The following KIF5C variants were observed in gnomAD, a reference collection of about 807,000 sequenced individuals.
KIF5C encodes the protein kinesin heavy chain isoform 5C.
Under a neutral mutation model 125.2 loss-of-function variants are expected in KIF5C, and 18 were observed. That is an observed-to-expected ratio of 0.14 (90% CI 0.10 to 0.21). KIF5C has a LOEUF of 0.21. KIF5C is among the 10% of genes least tolerant of loss of function. The probability of loss-of-function intolerance (pLI) is 1.00; values close to 1 mark genes in which losing one functional copy is unlikely to be tolerated. For missense variants in KIF5C, 780 were observed against 1,183.8 expected (o/e 0.66, Z 5.01); for synonymous variants, 405 against 434.0 (o/e 0.93, Z 0.83).
chr2:149,017,654 G>C (rs1682405542), intron 25 of KIF5C, among the ~76,000 whole-genome samples: 1 of 152,052 alleles, frequency 6.6e-6, no homozygotes, highest in African/African-American at 2.4e-5. Flanking sequence ...TTTTTTCTTG[G>C]TTTTCCTATA....
intron 1 of KIF5C, among the ~76,000 whole-genome samples, chr2:148,892,280 T>G (rs1558874831): frequency 6.6e-6 from 1 of 152,206 alleles, no homozygotes; most frequent in Non-Finnish European, 1.5e-5. Flanking sequence ...AGATATTACC[T>G]GATAAAAGGA....
chr2:148,971,290 G>GTCTGTCTGTCTATCTA (rs764761986), intron 11 of KIF5C, among the ~76,000 whole-genome samples: 99 of 137,320 alleles, frequency 7.2e-4, no homozygotes, highest in East Asian at 1.7e-3. Flanking sequence ...CTGTCTGTCT[G>GTCTGTCTGTCTATCTA]TCTATCTATC....
intron 1 of KIF5C, among the ~76,000 whole-genome samples, chr2:148,909,378 G>A (rs527583787): frequency 6.6e-6 from 1 of 152,144 alleles, no homozygotes; most frequent in Non-Finnish European, 1.5e-5. Flanking sequence ...TCCTTGACCC[G>A]CATATCACAA....
intron 3 of KIF5C, among the ~76,000 whole-genome samples, chr2:148,932,629 C>T (rs570438108): frequency 2.0e-5 from 3 of 152,268 alleles, no homozygotes; most frequent in East Asian, 1.9e-4. Context: ...CTCCTGGCCC[C>T]GTGCCCTCCT....
At chr2:148,962,820 CT>C (rs1682962504) in intron 11 of KIF5C, among the ~76,000 whole-genome samples, 1 of 152,200 alleles carries the variant, frequency 6.6e-6, no homozygotes, top group Non-Finnish European at 1.5e-5. Flanking sequence ...AAATGTCATT[CT>C]CTCCTATGTG....
intron 11 of KIF5C, among the ~76,000 whole-genome samples, chr2:148,969,989 C>T (rs540490072): frequency 9.9e-5 from 15 of 152,224 alleles, no homozygotes; most frequent in South Asian, 8.3e-4. Context: ...CTGCGTGTTG[C>T]GGCTTTGTTC....
chr2:149,017,829 CA>C (rs1384375096), intron 25 of KIF5C, among the ~76,000 whole-genome samples: 40 of 152,244 alleles, frequency 2.6e-4, no homozygotes, highest in African/African-American at 9.4e-4. Flanking sequence ...ACTGTCAAGT[CA>C]AAACAAATTT....
At chr2:148,943,204 A>G (rs1682446789) in intron 7 of KIF5C, among the ~76,000 whole-genome samples, 3 of 152,182 alleles carry the variant, frequency 2.0e-5, no homozygotes, top group South Asian at 2.1e-4. Flanking sequence ...TGCCTTCTGT[A>G]AAAAAGAAAA....
chr2:149,015,204 A>G (rs1682326858), intron 25 of KIF5C, among the ~76,000 whole-genome samples: 2 of 152,186 alleles, frequency 1.3e-5, no homozygotes, highest in Admixed American at 1.3e-4. Flanking sequence ...ATATATATAT[A>G]ATTTACTTAT....
At chr2:148,916,239 C>T (rs758584210) in intron 1 of KIF5C, among the ~76,000 whole-genome samples, 12 of 152,242 alleles carry the variant, frequency 7.9e-5, no homozygotes, top group Non-Finnish European at 1.6e-4. Flanking sequence ...TTTCCAGAGT[C>T]TCCAAAGCTG....
At chr2:148,929,730 TAAA>T (rs1365408754) in intron 3 of KIF5C, among the ~76,000 whole-genome samples, 2 of 151,944 alleles carry the variant, frequency 1.3e-5, no homozygotes, top group Non-Finnish European at 2.9e-5. Context: ...TTAGAATAAA[TAAA>T]AAACTGTAGG....
chr2:148,973,416 G>C lies in KIF5C; in HGVS notation c.1198G>C (p.Asp400His). Residue 400 changes from aspartate (D) to histidine (H), a missense_variant, in exon 12 of 26, where the codon GAC (aspartate) becomes CAC (histidine). Around this residue, in one of 2 missense-constraint regions of KIF5C, gnomAD observed 573 missense variants for 742.6 expected, o/e 0.77. Transcript: ENST00000435030. ...LEPCDNTPII[D>H]NIAPVVAGIS... ...GCCTTGTGATAACACCCCCATCATA[G>C]ACAATATTGCTCCTGTTGTTGCTGG... 4.3e-6 allele frequency: 7 copies of C among 1,613,760 alleles called. No individual in the cohort carries two copies. Among genetic ancestry groups the C allele is most frequent in the Non-Finnish European group, 5.9e-6 (7 of 1,179,736 alleles).
intron 15 of KIF5C, among the ~76,000 whole-genome samples, chr2:148,987,001 G>T (rs1458827324): frequency 6.6e-6 from 1 of 152,142 alleles, no homozygotes; most frequent in Non-Finnish European, 1.5e-5. Flanking sequence ...GTATGATGAG[G>T]TCCATACATT....
intron 1 of KIF5C, among the ~76,000 whole-genome samples, chr2:148,906,015 G>C (rs1681092520): frequency 6.6e-6 from 1 of 152,126 alleles, no homozygotes; most frequent in African/African-American, 2.4e-5. Context: ...GTACCCCCAT[G>C]ACATGTGGGA....
intron 18 of KIF5C, 170 bp from the exon 19 acceptor site, chr2:148,998,230 C>A: frequency 9.0e-7 from 1 of 1,109,780 alleles, no homozygotes; most frequent in Non-Finnish European, 1.3e-6. Flanking sequence ...TTTGTTATCC[C>A]AATAAAGCAA....
intron 12 of KIF5C, among the ~76,000 whole-genome samples, chr2:148,977,895 T>C (rs185098366): frequency 2.0e-5 from 3 of 152,270 alleles, no homozygotes; most frequent in East Asian, 1.9e-4. Flanking sequence ...TTGGGTTAGA[T>C]TTCACCCCTG....
intron 22 of KIF5C, among the ~76,000 whole-genome samples, chr2:149,006,441 A>C (rs553774600): frequency 5.9e-5 from 9 of 152,198 alleles, no homozygotes; most frequent in Non-Finnish European, 8.8e-5. Context: ...ACATTTGATG[A>C]CTTGGGTCTT....
chr2:148,998,672 T>C (rs1284148520), intron 19 of KIF5C, 163 bp downstream of exon 19: 14 of 1,197,256 alleles, frequency 1.2e-5, no homozygotes, highest in Non-Finnish European at 1.4e-5. Flanking sequence ...CAAGGTCTGT[T>C]CTCCGATCTG....
intron 19 of KIF5C, among the ~76,000 whole-genome samples, chr2:148,999,338 G>T (rs1424838150): frequency 6.7e-6 from 1 of 149,074 alleles, no homozygotes; most frequent in African/African-American, 2.5e-5. Flanking sequence ...AAGGCGAAAT[G>T]ATTTACTTAA....
Sources: gnomAD v4.1 joint callset for allele counts (sites outside exome capture counted in the v4.1 genomes callset) on GRCh38, gnomAD v4.1.1 for gene constraint, gnomAD v4.1.1 regional missense constraint, MANE v1.5 for transcripts, NCBI Gene and HGNC (gene_info 2026-07-23, HGNC 2026-07-21) for gene names.